SAMD4A: variants seen among roughly 807,000 people sequenced by gnomAD.
SAMD4A encodes sterile alpha motif domain containing 4A, also known as protein Smaug homolog 1.
In SAMD4A, 33 loss-of-function variants were observed where a neutral mutation model predicts 81.3. That is an observed-to-expected ratio of 0.41 (90% CI 0.31 to 0.54). The LOEUF is 0.54. Ranked by LOEUF, SAMD4A falls within the 20% of genes least tolerant of loss-of-function variation. The pLI, the probability that SAMD4A is intolerant of heterozygous loss-of-function variation, is 0.37. For synonymous variants in SAMD4A, 389 were observed against 382.1 expected, an observed-to-expected ratio of 1.02 and a Z score of -0.21; for missense variants, 854 against 951.1, an observed-to-expected ratio of 0.90 and a Z score of 1.34.
chr14:54,656,903 GC>G (rs768738847), intron 2 of SAMD4A, among the ~76,000 whole-genome samples: 2 of 152,010 alleles, frequency 1.3e-5, no homozygotes, highest in African/African-American at 2.4e-5. Flanking sequence ...CATGAAACAA[GC>G]TTTTTATGTG....
chr14:54,588,142 G>A (rs754982250), intron 2 of SAMD4A, among the ~76,000 whole-genome samples: 23 of 151,898 alleles, frequency 1.5e-4, no homozygotes, highest in Non-Finnish European at 7.4e-5. Flanking sequence ...GAATTTATCT[G>A]TCTCCTCTAG....
In SAMD4A at chr14:54,733,079, A is replaced by G. The variant is rs187697813; in HGVS notation, c.716-3945A>G. Among the ~76,000 whole-genome samples the G allele has an allele frequency of 5.6e-4, 86 of 152,294 alleles. 1 individual carries two copies. Among genetic ancestry groups the G allele is most frequent in the African/African-American group, 2.0e-3 (83 of 41,568 alleles). On this transcript the variant is annotated intron_variant, in intron 3 of 12. Transcript: ENST00000554335. ...TTCTCATTAAAGATGCTAGGAGATG[A>G]AAAAATCATTAGGTTAGATGAGGTC...
chr14:54,681,723 C>T (rs1452189203), intron 2 of SAMD4A: 20 of 907,028 alleles, frequency 2.2e-5, no homozygotes, highest in East Asian at 1.2e-4. Context: ...TGAGCCACCA[C>T]GCCCTGCCTT....
rs1466608568 is a variant in SAMD4A, at chr14:54,791,914, C to A, written c.*2970C>A. On this transcript the variant is annotated 3_prime_UTR_variant, in exon 13 of 13. Transcript: ENST00000554335. Reference sequence around the variant, plus strand: ...CTGTTTTATATTAAGAAAATAGTAACAATTTTAAAATCTCAGAGTAAAATC... The same window carrying A: ...CTGTTTTATATTAAGAAAATAGTAAAAATTTTAAAATCTCAGAGTAAAATC... 1 of 152,146 alleles carries A rather than the reference C, an allele frequency of 6.6e-6. No individual in the cohort carries two copies. The highest frequency in any genetic ancestry group is 1.9e-4 in the East Asian group (1 of 5,198). 9.4% of individuals were successfully genotyped at this position (152,146 alleles called of 1,614,324 possible).
In SAMD4A at chr14:54,623,258, GT is replaced by G. The variant is rs1199086022; in HGVS notation, c.196+55151del. 1.3e-5 allele frequency among the ~76,000 whole-genome samples: 2 copies of G among 152,056 alleles called. 1 individual carries two copies. Among genetic ancestry groups the G allele is most frequent in the Admixed American group, 1.3e-4 (2 of 15,260 alleles). ...CATCTATACCTGGTATTGCTCCTATGTTTTTGCTCTCAGAGGGCCATCTTAT... is the reference window on the plus strand; with the variant it reads ...CATCTATACCTGGTATTGCTCCTATGTTTTGCTCTCAGAGGGCCATCTTAT... On this transcript the variant is annotated intron_variant, in intron 2 of 12. Transcript: ENST00000554335.
intron 2 of SAMD4A, among the ~76,000 whole-genome samples, chr14:54,622,464 A>C (rs1396944462): frequency 1.3e-5 from 2 of 152,248 alleles, no homozygotes; most frequent in Non-Finnish European, 2.9e-5. Flanking sequence ...AAAGGCACTG[A>C]CTTGATAAAT....
Position 54,789,144 on chromosome 14 carries a change from A to G in SAMD4A, c.*200A>G. On this transcript the variant is annotated 3_prime_UTR_variant, in exon 13 of 13. Coordinates refer to ENST00000554335, the MANE Select transcript of SAMD4A (RefSeq NM_015589.6). Reference sequence around the variant, plus strand: ...TAGACCTGGGGTTGGTTATTTTGTCATTTGTTTCTGTCATGGGATGGTTTG... The same window carrying G: ...TAGACCTGGGGTTGGTTATTTTGTCGTTTGTTTCTGTCATGGGATGGTTTG... 1 of 346,938 alleles carries G rather than the reference A, an allele frequency of 2.9e-6. No individual in the cohort carries two copies. The allele number at this position is 346,938 out of a possible 1,614,324, so 21.5% of individuals were successfully genotyped here.
intron 2 of SAMD4A, among the ~76,000 whole-genome samples, chr14:54,636,935 C>G (rs1378976332): frequency 6.6e-6 from 1 of 152,058 alleles, no homozygotes; most frequent in Non-Finnish European, 1.5e-5. Flanking sequence ...AGAGACCGAT[C>G]AAGGGGGCGA....
At chr14:54,767,973 C>A (rs1374462758) in intron 8 of SAMD4A, among the ~76,000 whole-genome samples, 1 of 152,220 alleles carries the variant, frequency 6.6e-6, no homozygotes, top group Non-Finnish European at 1.5e-5. Context: ...ATGCGCCGAC[C>A]TCCCCAGGAA....
At chr14:54,620,678 A>C (rs1316944158) in intron 2 of SAMD4A, among the ~76,000 whole-genome samples, 1 of 152,220 alleles carries the variant, frequency 6.6e-6, no homozygotes, top group Non-Finnish European at 1.5e-5. Flanking sequence ...CGTAAGGGAC[A>C]TGTGTTTGAA....
At chr14:54,579,510 T>C (rs1165399445) in intron 2 of SAMD4A, among the ~76,000 whole-genome samples, 1 of 152,250 alleles carries the variant, frequency 6.6e-6, no homozygotes, top group East Asian at 1.9e-4. Context: ...ACATGTATTT[T>C]TAATGGTAGT....
intron 2 of SAMD4A, among the ~76,000 whole-genome samples, chr14:54,591,992 T>G (rs1262849711): frequency 6.6e-6 from 1 of 152,006 alleles, no homozygotes; most frequent in East Asian, 1.9e-4. Flanking sequence ...CTTTTTCCCT[T>G]TTCCTCCATG....
At chr14:54,626,253 A>G (rs2034761906) in intron 2 of SAMD4A, among the ~76,000 whole-genome samples, 1 of 152,140 alleles carries the variant, frequency 6.6e-6, no homozygotes, top group Admixed American at 6.5e-5. Context: ...TCTCTTCTCC[A>G]TCAGAATTTC....
At chr14:54,676,439 C>T (rs2035995733) in intron 2 of SAMD4A, among the ~76,000 whole-genome samples, 1 of 152,170 alleles carries the variant, frequency 6.6e-6, no homozygotes, top group Non-Finnish European at 1.5e-5. Context: ...GTGGCACAAT[C>T]TTGCTTGGCT....
At chr14:54,732,671 G>T (rs1396902882) in intron 3 of SAMD4A, among the ~76,000 whole-genome samples, 2 of 152,138 alleles carry the variant, frequency 1.3e-5, no homozygotes, top group African/African-American at 4.8e-5. Context: ...AAGTTTTGGT[G>T]TAAGACTCAA....
chr14:54,645,784 T>A (rs563892323), intron 2 of SAMD4A, among the ~76,000 whole-genome samples: 20 of 152,382 alleles, frequency 1.3e-4, no homozygotes, highest in Non-Finnish European at 2.4e-4. Context: ...TCCAGAATAC[T>A]TCTCTGTTTC....
chr14:54,651,268 T>C (rs550007351), intron 2 of SAMD4A, among the ~76,000 whole-genome samples: 1 of 152,280 alleles, frequency 6.6e-6, no homozygotes, highest in East Asian at 1.9e-4. Context: ...AAACGCATGG[T>C]TATGGTGTCT....
chr14:54,789,291 G>A lies in SAMD4A; in HGVS notation c.*347G>A. 2.8e-6 allele frequency: 1 copy of A among 362,080 alleles called. No homozygotes were observed. The highest frequency in any genetic ancestry group is 5.1e-6 in the Non-Finnish European group (1 of 194,522). The allele number at this position is 362,080 out of a possible 1,614,324, so 22.4% of individuals were successfully genotyped here. A position where few individuals can be genotyped will look rare whatever the true frequency, so the allele number is the denominator to read the frequency against. On this transcript the variant is annotated 3_prime_UTR_variant, in exon 13 of 13. Transcript: ENST00000554335. ...AAGAGTACTGCCATGAAAGAGATAG[G>A]AGACACATAAGAGGACAGCAGAAGC... is the stretch of plus-strand genomic sequence containing the variant.
rs1445996231 is a variant in SAMD4A, at chr14:54,791,801, C to T, written c.*2857C>T. 1 of 152,172 alleles carries T rather than the reference C, an allele frequency of 6.6e-6. No individual in the cohort carries two copies. Among genetic ancestry groups the T allele is most frequent in the Non-Finnish European group, 1.5e-5 (1 of 68,036 alleles). 9.4% of individuals were successfully genotyped at this position (152,172 alleles called of 1,614,324 possible). The stretch of plus-strand genomic sequence containing the variant: ...TATTTATAAAAGAATCAAACAGTTG[C>T]ATGCATGAGGCTGTGAAGTCAGATA... On this transcript the variant is annotated 3_prime_UTR_variant, in exon 13 of 13. Coordinates refer to ENST00000554335, the MANE Select transcript of SAMD4A (RefSeq NM_015589.6).
Sources: allele counts gnomAD v4.1 joint callset (sites outside exome capture counted in the v4.1 genomes callset), GRCh38; gene constraint gnomAD v4.1.1; transcripts MANE v1.5; gene names NCBI Gene and HGNC (gene_info 2026-07-23, HGNC 2026-07-21).